GHR: variants seen among roughly 807,000 people sequenced by gnomAD.
GHR encodes the protein GH receptor.
Under a neutral mutation model 67.1 loss-of-function variants are expected in GHR, and 35 were observed. The ratio of observed to expected loss-of-function variants is 0.52; its 90% CI spans 0.40 to 0.69. GHR has a LOEUF of 0.69. GHR is among the 30% of genes least tolerant of loss of function. The pLI, the probability that GHR is intolerant of heterozygous loss-of-function variation, is 0.00. For missense variants in GHR, 792 were observed against 764.6 expected, an observed-to-expected ratio of 1.04 and a Z score of -0.42; for synonymous variants, 272 against 269.1, an observed-to-expected ratio of 1.01 and a Z score of -0.10.
At chr5:42,711,594 G>A (rs1013677844) in intron 7 of GHR, among the ~76,000 whole-genome samples, 6 of 152,152 alleles carry the variant, frequency 3.9e-5, no homozygotes, top group African/African-American at 1.4e-4. Flanking sequence ...AGTCCGGGGG[G>A]CAGGTGGAAG....
intron 1 of GHR, among the ~76,000 whole-genome samples, chr5:42,484,651 A>G (rs544593076): frequency 2.0e-5 from 3 of 152,352 alleles, no homozygotes; most frequent in Admixed American, 6.5e-5. Flanking sequence ...ACTCAGGTCC[A>G]CTGAGGCATG....
intron 3 of GHR, among the ~76,000 whole-genome samples, chr5:42,680,896 G>A (rs778638968): frequency 1.3e-4 from 19 of 151,686 alleles, no homozygotes; most frequent in African/African-American, 2.7e-4. Flanking sequence ...TGTGCACAAC[G>A]TGCAGATTTG....
At chr5:42,454,652 T>C (rs1744185655) in intron 1 of GHR, among the ~76,000 whole-genome samples, 1 of 152,142 alleles carries the variant, frequency 6.6e-6, no homozygotes, top group Non-Finnish European at 1.5e-5. Flanking sequence ...GAATAGCCAG[T>C]AGTGAAAGGC....
chr5:42,488,860 T>C (rs937814808), intron 1 of GHR, among the ~76,000 whole-genome samples: 13 of 152,188 alleles, frequency 8.5e-5, no homozygotes, highest in Non-Finnish European at 1.6e-4. Flanking sequence ...TTTTATTTAC[T>C]CTTCACAATA....
chr5:42,508,863 C>T (rs569698042), intron 1 of GHR, among the ~76,000 whole-genome samples: 41 of 152,202 alleles, frequency 2.7e-4, no homozygotes, highest in South Asian at 1.2e-3. Flanking sequence ...CGTGAGCCAC[C>T]GCGCCCAACC....
Position 42,424,223 on chromosome 5 carries a change from G to A in GHR, c.-12+268G>A, listed in dbSNP as rs1742742023. On this transcript the variant is annotated intron_variant, in intron 1 of 9. Transcript: ENST00000230882. This position sits in a 1 kb window ranked among gnomAD's most constrained non-coding sequence, Gnocchi z 4.1. Reference sequence around the variant, plus strand: ...GTGTGTGTGTGTGTGTGTGTGTCTGGAAGTTGGTGAGGGCGGCAGGGAGTT... The same window carrying A: ...GTGTGTGTGTGTGTGTGTGTGTCTGAAAGTTGGTGAGGGCGGCAGGGAGTT... 1.3e-5 allele frequency among the ~76,000 whole-genome samples: 1 copy of A among 79,512 alleles called. No homozygotes were observed. The highest frequency in any genetic ancestry group is 4.5e-5 in the African/African-American group (1 of 22,230). 52.2% of individuals were successfully genotyped at this position (79,512 alleles called of 152,430 possible).
chr5:42,587,023 G>GAA (rs776908883), intron 2 of GHR, among the ~76,000 whole-genome samples: 14 of 134,428 alleles, frequency 1.0e-4, no homozygotes, highest in Non-Finnish European at 8.1e-5. Context: ...AATACACACT[G>GAA]AAAAAAAAAA....
chr5:42,680,853 A>ATT (rs35948016), intron 3 of GHR, among the ~76,000 whole-genome samples: 28 of 150,746 alleles, frequency 1.9e-4, no homozygotes, highest in African/African-American at 5.6e-4. Context: ...TATTATTATT[A>ATT]TTTTTTTTTA....
At chr5:42,606,383 CT>C (rs911481708) in intron 2 of GHR, among the ~76,000 whole-genome samples, 8 of 152,136 alleles carry the variant, frequency 5.3e-5, no homozygotes, top group African/African-American at 1.9e-4. Flanking sequence ...GTTCTGCAGG[CT>C]GTACAGGAAG....
chr5:42,470,132 AT>A (rs1246559089), intron 1 of GHR, among the ~76,000 whole-genome samples: 14 of 132,292 alleles, frequency 1.1e-4, no homozygotes, highest in Non-Finnish European at 9.4e-5. Context: ...AATATATGTT[AT>A]TACATTAATA....
At chr5:42,522,572 C>A (rs1212108942) in intron 1 of GHR, among the ~76,000 whole-genome samples, 1 of 152,092 alleles carries the variant, frequency 6.6e-6, no homozygotes, top group Non-Finnish European at 1.5e-5. Flanking sequence ...AAAGGAAAAT[C>A]TTATACCTCT....
At chr5:42,616,460 A>T (rs902062951) in intron 2 of GHR, among the ~76,000 whole-genome samples, 1 of 152,076 alleles carries the variant, frequency 6.6e-6, no homozygotes, top group Non-Finnish European at 1.5e-5. Context: ...ATTTTCAGAC[A>T]TAGAGAAGAA....
intron 1 of GHR, among the ~76,000 whole-genome samples, chr5:42,474,285 A>AAGAAAGAAAG (rs1257674662): frequency 7.1e-5 from 2 of 28,122 alleles, no homozygotes; most frequent in Non-Finnish European, 1.5e-4. Context: ...GAAAGAAAGA[A>AAGAAAGAAAG]AAAGAGAAAG....
At chr5:42,526,189 A>G (rs1244973322) in intron 1 of GHR, among the ~76,000 whole-genome samples, 1 of 152,180 alleles carries the variant, frequency 6.6e-6, no homozygotes, top group African/African-American at 2.4e-5. Flanking sequence ...AGTTATTAAA[A>G]AAAAAAAAGT....
chr5:42,471,244 C>T (rs948154386), intron 1 of GHR, among the ~76,000 whole-genome samples: 4 of 152,110 alleles, frequency 2.6e-5, no homozygotes, highest in Non-Finnish European at 4.4e-5. Flanking sequence ...TGGTCCTTAA[C>T]GTTTCAGGTA....
chr5:42,485,251 T>C (rs950855266), intron 1 of GHR, among the ~76,000 whole-genome samples: 4 of 152,222 alleles, frequency 2.6e-5, no homozygotes, highest in African/African-American at 9.6e-5. Context: ...TTTACCTCTA[T>C]GGTCTTCCAT....
chr5:42,565,717 A>G, intron 1 of GHR, 147 bp from the exon 2 acceptor site: 1 of 1,539,588 alleles, frequency 6.5e-7, no homozygotes, highest in African/African-American at 1.4e-5. Flanking sequence ...ACAATATGAG[A>G]CTCTGGGGCA....
chr5:42,443,130 CTAAAAGGGGA>C (rs1743649948), intron 1 of GHR, among the ~76,000 whole-genome samples: 1 of 152,162 alleles, frequency 6.6e-6, no homozygotes, highest in Non-Finnish European at 1.5e-5. Flanking sequence ...GCTTGAGTTT[CTAAAAGGGGA>C]CTGATTGGAC....
intron 1 of GHR, among the ~76,000 whole-genome samples, chr5:42,472,818 C>T (rs1468986241): frequency 6.6e-6 from 1 of 152,146 alleles, no homozygotes; most frequent in East Asian, 1.9e-4. Context: ...GGATTAGACT[C>T]CTTCTGCTGG....
Sources: gnomAD v4.1 joint callset for allele counts (sites outside exome capture counted in the v4.1 genomes callset) on GRCh38, gnomAD v4.1.1 for gene constraint, Gnocchi (gnomAD v3.1) non-coding constraint, MANE v1.5 for transcripts, NCBI Gene and HGNC (gene_info 2026-07-23, HGNC 2026-07-21) for gene names.